Variants in TMC5 observed in about 807,000 individuals in gnomAD.
The protein encoded by TMC5 is transmembrane channel-like protein 5.
Under a neutral mutation model 110.5 loss-of-function variants are expected in TMC5, and 86 were observed. That is an observed-to-expected ratio of 0.78 (90% confidence interval 0.65 to 0.93). The LOEUF is 0.93. Ranked by LOEUF, TMC5 falls within the 40% of genes least tolerant of loss-of-function variation. The pLI, the probability that TMC5 is intolerant of heterozygous loss-of-function variation, is 0.00. For synonymous variants in TMC5, 455 were observed against 439.5 expected, an observed-to-expected ratio of 1.04 and a Z score of -0.44; for missense variants, 1,144 against 1,222.8, an observed-to-expected ratio of 0.94 and a Z score of 0.96.
intron 9 of TMC5, among the ~76,000 whole-genome samples, chr16:19,468,359 T>C (rs1003036956): frequency 2.0e-5 from 3 of 152,156 alleles, no homozygotes; most frequent in African/African-American, 7.2e-5. Flanking sequence ...CATTTTTGTG[T>C]GTGTGCTCAG....
At chr16:19,419,656 T>C (rs532642424) in intron 1 of TMC5, among the ~76,000 whole-genome samples, 20 of 151,968 alleles carry the variant, frequency 1.3e-4, no homozygotes, top group South Asian at 4.2e-4. Context: ...TCGTGATCCA[T>C]CCGCCTCGGC....
rs55696911 is a variant in TMC5 at position 19,419,402 on chromosome 16, GTTTTTT to G, written c.-308+1333_-308+1338del. The stretch of plus-strand genomic sequence containing the variant: ...AAGCTCAGTGGAAATGAATGTGTTG[GTTTTTT>G]TTTTTTTTTTTTTTTTTTTTTTGAG... On this transcript the variant is annotated intron_variant, in intron 1 of 21. Coordinates refer to ENST00000542583, the MANE Select transcript of TMC5 (RefSeq NM_001261841.2). Among the ~76,000 whole-genome samples, 9 of 65,650 alleles carry G rather than the reference GTTTTTT, an allele frequency of 1.4e-4. No individual in the cohort carries two copies. The South Asian group carries it at 2.1e-3, about 16-fold the overall frequency. 43.1% of individuals were successfully genotyped at this position (65,650 alleles called of 152,430 possible).
chr16:19,420,641 T>C (rs1415528186), intron 1 of TMC5, among the ~76,000 whole-genome samples: 1 of 152,102 alleles, frequency 6.6e-6, no homozygotes, highest in Non-Finnish European at 1.5e-5. Context: ...TTTAAAATTT[T>C]TTGTAGAGCC....
chr16:19,440,821 C>T lies in TMC5; in HGVS notation c.783C>T (p.Thr261=), dbSNP rs779271171. 5.0e-6 allele frequency: 8 copies of T among 1,611,898 alleles called. No individual in the cohort carries two copies. Among genetic ancestry groups the T allele is most frequent in the Non-Finnish European group, 6.8e-6 (8 of 1,179,312 alleles). Residue 261 remains threonine, a synonymous_variant, in exon 3 of 22, where the codon ACC becomes ACT. Coordinates refer to ENST00000542583, the MANE Select transcript of TMC5 (RefSeq NM_001261841.2). The part of the protein sequence containing the change: ...DYGSSETPKM[T]RGVLSRTSSI... ...GCTCTTCTGAGACCCCAAAGATGAC[C>T]AGGGGGTAAGTTCAGATATATATCC...
chr16:19,415,192 A>C (rs1355301566), upstream of TMC5, among the ~76,000 whole-genome samples: 1 of 152,242 alleles, frequency 6.6e-6, no homozygotes, highest in Non-Finnish European at 1.5e-5. Context: ...CATAAACCGA[A>C]ATATGTAAAA....
At chr16:19,436,333 C>T (rs959345205) in intron 2 of TMC5, among the ~76,000 whole-genome samples, 26 of 145,714 alleles carry the variant, frequency 1.8e-4, no homozygotes, top group Non-Finnish European at 3.0e-4. Context: ...TTTTTCTTAT[C>T]TTTTGGTAGA....
chr16:19,490,116 CTGCCCCCAT>C (rs1308297301), intron 17 of TMC5, among the ~76,000 whole-genome samples: 1 of 152,194 alleles, frequency 6.6e-6, no homozygotes, highest in Non-Finnish European at 1.5e-5. Context: ...AAAAGTCTGA[CTGCCCCCAT>C]TCATATCATT....
rs575786940 is a variant in TMC5, at chr16:19,498,344, T to C, written c.*378T>C. 89 of 207,652 alleles carry C rather than the reference T, an allele frequency of 4.3e-4. 1 individual carries two copies. Among genetic ancestry groups the C allele is most frequent in the South Asian group, 2.6e-3 (34 of 13,292 alleles). The allele number at this position is 207,652 out of a possible 1,614,324, so 12.9% of individuals were successfully genotyped here. ...AGACTTCCCAGACCTGGCAAAGGTT[T>C]AGAAACTGTTGCTAAGAAAAGTGGT... On this transcript the variant is annotated 3_prime_UTR_variant, in exon 22 of 22. Transcript: ENST00000542583.
At chr16:19,496,981 G>T in intron 20 of TMC5, 140 bp from the exon 21 acceptor site, 1 of 692,462 alleles carries the variant, frequency 1.4e-6, no homozygotes, top group Non-Finnish European at 2.5e-6. Context: ...ATATTTCTAT[G>T]GCGGAGACTT....
chr16:19,411,278 T>C (rs888356139), intron 1 of TMC5: 1 of 152,236 alleles, frequency 6.6e-6, no homozygotes, highest in African/African-American at 2.4e-5. Flanking sequence ...ACTTATGCTC[T>C]CTGGGCTCCA....
chr16:19,441,978 T>A (rs1389018436), intron 3 of TMC5, among the ~76,000 whole-genome samples: 2 of 151,896 alleles, frequency 1.3e-5, no homozygotes, highest in Non-Finnish European at 2.9e-5. Context: ...TAATTTTGTA[T>A]CTTTAGTAGA....
chr16:19,440,994 T>C (rs1280238063), intron 3 of TMC5, among the ~76,000 whole-genome samples, 168 bp downstream of exon 3: 1 of 152,220 alleles, frequency 6.6e-6, no homozygotes, highest in African/African-American at 2.4e-5. Context: ...ACCTGGGCCA[T>C]GGACTCTCAG....
intron 1 of TMC5, among the ~76,000 whole-genome samples, chr16:19,423,870 G>C (rs185702888): frequency 6.6e-6 from 1 of 152,286 alleles, no homozygotes; most frequent in Admixed American, 6.5e-5. Flanking sequence ...TCCTGCCTCA[G>C]CCTCCTGAGT....
At chr16:19,464,735 A>G (rs1389404856) in intron 8 of TMC5, among the ~76,000 whole-genome samples, 1 of 151,810 alleles carries the variant, frequency 6.6e-6, no homozygotes, top group Non-Finnish European at 1.5e-5. Flanking sequence ...TCTACAAAAT[A>G]CAATGTTCCT....
intron 1 of TMC5, among the ~76,000 whole-genome samples, chr16:19,423,356 A>T (rs142258617): frequency 5.5e-4 from 84 of 152,268 alleles, no homozygotes; most frequent in African/African-American, 2.0e-3. Flanking sequence ...GACTTTGCTC[A>T]GTGTCCCTTG....
rs117127025 is a variant in TMC5, at chr16:19,460,232, T to C, written c.1049-3T>C. ...AATTAAATTCCATTAATTTCTTTCA[T>C]AGGACAGAAGTTAATCGCATCCCTT... On this transcript the variant is annotated splice_region_variant and splice_polypyrimidine_tract_variant and intron_variant, in intron 5 of 21. Coordinates refer to ENST00000542583, the MANE Select transcript of TMC5 (RefSeq NM_001261841.2). 10 of 1,597,360 alleles carry C rather than the reference T, an allele frequency of 6.3e-6. No homozygotes were observed. Among genetic ancestry groups the C allele is most frequent in the Non-Finnish European group, 8.5e-6 (10 of 1,172,112 alleles).
At chr16:19,411,845 C>T (rs1327749846) in intron 1 of TMC5, among the ~76,000 whole-genome samples, 9 of 152,132 alleles carry the variant, frequency 5.9e-5, no homozygotes, top group African/African-American at 2.2e-4. Context: ...TTCAATAACC[C>T]CTGCTAGTTC....
In TMC5 at chr16:19,461,836, C is replaced by A. The variant is rs78320875; in HGVS notation, c.1149-1444C>A. On this transcript the variant is annotated intron_variant, in intron 6 of 21. Transcript: ENST00000542583. ...TTCAAAGACAAATTTCAAATCCTGGCAGGGTGGAATAGATTTGTCAACAAG... is the reference window on the plus strand; with the variant it reads ...TTCAAAGACAAATTTCAAATCCTGGAAGGGTGGAATAGATTTGTCAACAAG... Among the ~76,000 whole-genome samples, 156 of 152,036 alleles carry A rather than the reference C, an allele frequency of 1.0e-3. 3 individuals carry two copies. The East Asian group carries it at 0.026, about 25-fold the overall frequency.
rs35775078 is a variant in TMC5, at chr16:19,492,932, ATCTCTC to A, written c.2826+706_2826+711del. On this transcript the variant is annotated intron_variant, in intron 19 of 21. Transcript: ENST00000542583. ...AAAACTTAGATATATATATATATAT[ATCTCTC>A]TATAAGATAAATACTTTTATTTCAT... Among the ~76,000 whole-genome samples the A allele has an allele frequency of 7.7e-4, 77 of 99,876 alleles. 12 individuals are homozygous for A. Among genetic ancestry groups the A allele is most frequent in the South Asian group, 1.7e-3 (4 of 2,310 alleles). The allele number at this position is 99,876 out of a possible 152,430, so 65.5% of individuals were successfully genotyped here.
Sources: allele counts gnomAD v4.1 joint callset (sites outside exome capture counted in the v4.1 genomes callset), GRCh38; gene constraint gnomAD v4.1.1; transcripts MANE v1.5; gene names NCBI Gene and HGNC (gene_info 2026-07-23, HGNC 2026-07-21).